The following OR2V2 variants were observed in gnomAD, a reference collection of about 807,000 sequenced individuals.
OR2V2 encodes olfactory receptor family 2 subfamily V member 2.
For synonymous variants in OR2V2, 161 were observed against 151.3 expected, an observed-to-expected ratio of 1.06 and a Z score of -0.47; for missense variants, 392 against 392.2, an observed-to-expected ratio of 1.00 and a Z score of 0.00.
intron 1 of OR2V2, among the ~76,000 whole-genome samples, chr5:181,152,728 C>T (rs1269062892): frequency 1.3e-5 from 2 of 152,200 alleles, no homozygotes; most frequent in Non-Finnish European, 2.9e-5. Context: ...CTCTCTAGGG[C>T]GATTTCCTTC....
rs1763167315 is a variant in OR2V2, at chr5:181,149,532, A to G, written c.-25+1537A>G. 5.3e-5 allele frequency among the ~76,000 whole-genome samples: 8 copies of G among 152,310 alleles called. No individual in the cohort carries two copies. In the South Asian group the frequency reaches 1.7e-3, roughly 32 times the overall value. On this transcript the variant is annotated intron_variant, in intron 1 of 1. Coordinates refer to ENST00000641492, the MANE Select transcript of OR2V2 (RefSeq NM_206880.2). Reference sequence around the variant, plus strand: ...TTCAAAGAAGCCATCCCGGATAGGGAGACAAATGTCTTTAGTGACTCACAT... The same window carrying G: ...TTCAAAGAAGCCATCCCGGATAGGGGGACAAATGTCTTTAGTGACTCACAT...
At chr5:181,148,035 C>T (rs1763145905) in intron 1 of OR2V2, 40 bp downstream of exon 1, 1 of 399,236 alleles carries the variant, frequency 2.5e-6, no homozygotes, top group Non-Finnish European at 4.4e-6. Flanking sequence ...TCTCTCTTCC[C>T]TGCAGCTCCT....
At position 181,156,074 on chromosome 5, in the gene OR2V2, T is replaced by TTTCTTTC. The variant is rs1561631541; in HGVS notation, c.*184_*185insTTCTTTC. 59 of 134,124 alleles carry TTTCTTTC rather than the reference T, an allele frequency of 4.4e-4. 2 individuals carry two copies. The South Asian group carries it at 5.5e-3, about 13-fold the overall frequency. The allele number at this position is 134,124 out of a possible 1,614,324, so 8.3% of individuals were successfully genotyped here. A position where few individuals can be genotyped will look rare whatever the true frequency, so the allele number is the denominator to read the frequency against. Reference sequence around the variant, plus strand: ...TCTTTCTTTCTTTCTTTCTTTCTTTTGTTCTTTCTTTCGTTCTTTCTTTCT... The same window carrying TTTCTTTC: ...TCTTTCTTTCTTTCTTTCTTTCTTTTTTCTTTCGTTCTTTCTTTCGTTCTTTCTTTCT... On this transcript the variant is annotated 3_prime_UTR_variant, in exon 2 of 2. Transcript: ENST00000641492.
In OR2V2 at chr5:181,156,030, A is replaced by G; in HGVS notation, c.*140A>G. ...TCAGACTTGGAAGGTCTTTTTAAACACTACATCAGTTCTTTCTTTCTTTCT... is the reference window on the plus strand; with the variant it reads ...TCAGACTTGGAAGGTCTTTTTAAACGCTACATCAGTTCTTTCTTTCTTTCT... On this transcript the variant is annotated 3_prime_UTR_variant, in exon 2 of 2. Coordinates refer to ENST00000641492, the MANE Select transcript of OR2V2 (RefSeq NM_206880.2). 1 of 549,608 alleles carries G rather than the reference A, an allele frequency of 1.8e-6. No homozygotes were observed. Among genetic ancestry groups the G allele is most frequent in the South Asian group, 3.1e-5 (1 of 32,660 alleles). 34.0% of individuals were successfully genotyped at this position (549,608 alleles called of 1,614,324 possible). A position where few individuals can be genotyped will look rare whatever the true frequency, so the allele number is the denominator to read the frequency against.
Position 181,155,843 on chromosome 5 carries a change from G to T in OR2V2, c.901G>T (p.Ala301Ser), listed in dbSNP as rs1000576614. The change falls in exon 2 of 2, where the codon GCA becomes TCA. Residue 301 changes from alanine (A) to serine (S), a missense_variant. Coordinates refer to ENST00000641492, the MANE Select transcript of OR2V2 (RefSeq NM_206880.2). ...CTTGAGGAACAGGGAGGTGATGGGG[G>T]CACTGAGGAAGGGGCTGGACCGCTG... ...YSLRNREVMGALRKGLDRCRI... is the reference protein window; with the variant it reads ...YSLRNREVMGSLRKGLDRCRI... 3 of 1,614,192 alleles carry T rather than the reference G, an allele frequency of 1.9e-6. No homozygotes were observed. The highest frequency in any genetic ancestry group is 2.5e-6 in the Non-Finnish European group (3 of 1,180,048).
chr5:181,148,127 G>T (rs1763147626), intron 1 of OR2V2, 132 bp downstream of exon 1: 3 of 393,726 alleles, frequency 7.6e-6, no homozygotes, highest in Non-Finnish European at 1.3e-5. Flanking sequence ...CCATCAGGGT[G>T]TAATTGTTTG....
rs1412454987 is a variant in OR2V2, at chr5:181,157,617, T to C, written c.*1727T>C. Reference sequence around the variant, plus strand: ...AGATTTTCCACTGTGTAGATGGATCTTAGTGTATTCTGTGACCACTTGCTG... The same window carrying C: ...AGATTTTCCACTGTGTAGATGGATCCTAGTGTATTCTGTGACCACTTGCTG... On this transcript the variant is annotated 3_prime_UTR_variant, in exon 2 of 2. Transcript: ENST00000641492. The C allele has an allele frequency of 2.6e-5, 4 of 152,252 alleles. No homozygotes were observed. The highest frequency in any genetic ancestry group is 5.9e-5 in the Non-Finnish European group (4 of 68,042). 9.4% of individuals were successfully genotyped at this position (152,252 alleles called of 1,614,324 possible). A position where few individuals can be genotyped will look rare whatever the true frequency, so the allele number is the denominator to read the frequency against.
At chr5:181,150,049 G>C (rs1465426456) in intron 1 of OR2V2, among the ~76,000 whole-genome samples, 1 of 152,154 alleles carries the variant, frequency 6.6e-6, no homozygotes, top group African/African-American at 2.4e-5. Context: ...TGGTTGGTTG[G>C]GCCTCGGGCC....
intron 1 of OR2V2, among the ~76,000 whole-genome samples, chr5:181,152,874 T>G (rs1403810080): frequency 1.3e-5 from 2 of 152,234 alleles, no homozygotes; most frequent in Non-Finnish European, 2.9e-5. Context: ...CAGATGAGCT[T>G]CACTGGATCC....
chr5:181,156,043 T>TTTCTTTCTTTCTTTCTTTCTTTCA lies in OR2V2; in HGVS notation c.*176_*177insATTCTTTCTTTCTTTCTTTCTTTC. 1.3e-5 allele frequency: 6 copies of TTTCTTTCTTTCTTTCTTTCTTTCA among 450,256 alleles called. No individual in the cohort carries two copies. In the East Asian group the frequency reaches 1.8e-4, roughly 13 times the overall value. 27.9% of individuals were successfully genotyped at this position (450,256 alleles called of 1,614,324 possible). A position where few individuals can be genotyped will look rare whatever the true frequency, so the allele number is the denominator to read the frequency against. On this transcript the variant is annotated 3_prime_UTR_variant, in exon 2 of 2. Coordinates refer to ENST00000641492, the MANE Select transcript of OR2V2 (RefSeq NM_206880.2). The stretch of plus-strand genomic sequence containing the variant: ...GTCTTTTTAAACACTACATCAGTTC[T>TTTCTTTCTTTCTTTCTTTCTTTCA]TTCTTTCTTTCTTTCTTTCTTTCTT...
chr5:181,153,560 C>T (rs575916635), intron 1 of OR2V2, among the ~76,000 whole-genome samples: 1 of 152,242 alleles, frequency 6.6e-6, no homozygotes, highest in African/African-American at 2.4e-5. Flanking sequence ...GGCATGGTGG[C>T]AGGCACCTAT....
chr5:181,154,426 A>G (rs564091072), intron 1 of OR2V2, among the ~76,000 whole-genome samples: 2 of 152,038 alleles, frequency 1.3e-5, no homozygotes, highest in Admixed American at 6.6e-5. Context: ...CGTCTCTACT[A>G]AAAATACAAA....
rs1763293976 is a variant in OR2V2, at chr5:181,158,362, A to C, written c.*2472A>C. On this transcript the variant is annotated 3_prime_UTR_variant, in exon 2 of 2. Transcript: ENST00000641492. ...GGGGGGGGGGCAGGTGCGGTGGCTC[A>C]CATCTGTAATCCAAGCACTTTGGGA... The C allele has an allele frequency of 6.6e-6, 1 of 151,914 alleles. No homozygotes were observed. The highest frequency in any genetic ancestry group is 1.5e-5 in the Non-Finnish European group (1 of 68,040). 9.4% of individuals were successfully genotyped at this position (151,914 alleles called of 1,614,324 possible). A position where few individuals can be genotyped will look rare whatever the true frequency, so the allele number is the denominator to read the frequency against.
In OR2V2 at chr5:181,155,660, G is replaced by T. The variant is rs1420131912; in HGVS notation, c.718G>T (p.Ala240Ser). 1.2e-6 allele frequency: 2 copies of T among 1,613,984 alleles called. No homozygotes were observed. The highest frequency in any genetic ancestry group is 1.7e-6 in the Non-Finnish European group (2 of 1,179,990). Residue 240 changes from alanine (A) to serine (S), a missense_variant, in exon 2 of 2, where the codon GCC becomes TCC. Coordinates refer to ENST00000641492, the MANE Select transcript of OR2V2 (RefSeq NM_206880.2). ...TGCTCAGGCCTGGAAAAAGGCCCTGGCCACCTGCTCCTCCCACCTGACAGC... is the reference window on the plus strand; with the variant it reads ...TGCTCAGGCCTGGAAAAAGGCCCTGTCCACCTGCTCCTCCCACCTGACAGC... ...HSAQAWKKALATCSSHLTAVT... is the reference protein window; with the variant it reads ...HSAQAWKKALSTCSSHLTAVT...
At position 181,155,936 on chromosome 5, in the gene OR2V2, G is replaced by A; in HGVS notation, c.*46G>A. On this transcript the variant is annotated 3_prime_UTR_variant, in exon 2 of 2. Transcript: ENST00000641492. ...GGCTCTGCCATCTCTTAGCTCCAGG[G>A]ATGTCGGGTTAATAATTCTCTCATT... 1 of 1,519,160 alleles carries A rather than the reference G, an allele frequency of 6.6e-7. No individual in the cohort carries two copies. Among genetic ancestry groups the A allele is most frequent in the Non-Finnish European group, 9.0e-7 (1 of 1,117,238 alleles). 94.1% of individuals were successfully genotyped at this position (1,519,160 alleles called of 1,614,324 possible).
At chr5:181,152,138 CAT>C (rs772272435) in intron 1 of OR2V2, among the ~76,000 whole-genome samples, 2 of 152,178 alleles carry the variant, frequency 1.3e-5, no homozygotes, top group Non-Finnish European at 1.5e-5. Context: ...CTTTTGGCCT[CAT>C]AGTGATCCTG....
chr5:181,151,188 TGCATCTG>T (rs1763187141), intron 1 of OR2V2, among the ~76,000 whole-genome samples: 1 of 152,072 alleles, frequency 6.6e-6, no homozygotes, highest in Admixed American at 6.5e-5. Context: ...TAAGGTCAGA[TGCATCTG>T]GCGTGCTCCA....
At chr5:181,154,799 C>A in intron 1 of OR2V2, 120 bp from the exon 2 acceptor site, 1 of 664,880 alleles carries the variant, frequency 1.5e-6, no homozygotes, top group Non-Finnish European at 2.7e-6. Context: ...CCTATTATGT[C>A]CCAAAGCTTC....
In OR2V2 at chr5:181,148,896, G is replaced by A. The variant is rs112594480; in HGVS notation, c.-25+901G>A. ...CTGCACGGAGGTGAGGGCAAGGACC[G>A]AGGCCCTTGGATTGGCCTTGGCCTT... On this transcript the variant is annotated intron_variant, in intron 1 of 1. Transcript: ENST00000641492. Among the ~76,000 whole-genome samples, 115 of 152,332 alleles carry A rather than the reference G, an allele frequency of 7.5e-4. 1 individual carries two copies. The highest frequency in any genetic ancestry group is 2.3e-3 in the African/African-American group (95 of 41,582).
Sources: allele counts gnomAD v4.1 joint callset (sites outside exome capture counted in the v4.1 genomes callset), GRCh38; gene constraint gnomAD v4.1.1; transcripts MANE v1.5; gene names NCBI Gene and HGNC (gene_info 2026-07-23, HGNC 2026-07-21).